Variants in MYCBP2 observed in about 807,000 individuals in gnomAD.
The protein encoded by MYCBP2 is MYC binding protein 2.
MYCBP2 carries 120 observed loss-of-function variants against 525.3 expected under a neutral mutation model. The observed-to-expected ratio is 0.23, with a 90% confidence interval of 0.20 to 0.27. The LOEUF (loss-of-function observed/expected upper bound fraction) is 0.27, where lower values mean the gene tolerates loss of function less well. Among genes scored for constraint, MYCBP2 ranks in the 10% least tolerant of loss-of-function variants. MYCBP2 has a pLI of 1.00. For synonymous variants in MYCBP2, 1,894 were observed against 1,955.8 expected, an observed-to-expected ratio of 0.97 and a Z score of 0.83; for missense variants, 4,149 against 5,657.1, an observed-to-expected ratio of 0.73 and a Z score of 8.55.
Position 77,046,276 on chromosome 13 carries a change from A to G in MYCBP2, c.13922-783T>C, listed in dbSNP as rs528605258. Among the ~76,000 whole-genome samples, 202 of 152,350 alleles carry G rather than the reference A, an allele frequency of 1.3e-3. 2 individuals are homozygous for G. The highest frequency in any genetic ancestry group is 8.9e-3 in the South Asian group (43 of 4,832). On this transcript the variant is annotated intron_variant, in intron 82 of 82. Transcript: ENST00000544440. ...GAAACCAGGAGGCTTACTTTGTCAG[A>G]AAAACACGCTAGGCTTATACTTGAA...
chr13:77,245,535 T>G (rs1047313713), intron 15 of MYCBP2, among the ~76,000 whole-genome samples: 1 of 147,370 alleles, frequency 6.8e-6, no homozygotes, highest in Non-Finnish European at 1.5e-5. Context: ...ATGTTCTCAC[T>G]CATAAGTGGG....
chr13:77,315,080 ACC>A, intron 1 of MYCBP2, among the ~76,000 whole-genome samples: 1 of 152,302 alleles, frequency 6.6e-6, no homozygotes, highest in East Asian at 1.9e-4. Flanking sequence ...AATACAAGTT[ACC>A]AAAATTGACA....
Position 77,326,240 on chromosome 13 carries a change from GACACACACACACACACACACAC to G in MYCBP2, c.302+212_302+233del, listed in dbSNP as rs398023536. On this transcript the variant is annotated intron_variant, in intron 1 of 82. Coordinates refer to ENST00000544440, the MANE Select transcript of MYCBP2 (RefSeq NM_015057.5). The surrounding 1 kb of genome is among the most constrained non-coding windows in gnomAD (Gnocchi z 4.2). ...CACTATCCCCCCACATAGGCAGGCA[GACACACACACACACACACACAC>G]ACACACACACACACACACACACGAG... Among the ~76,000 whole-genome samples the G allele has an allele frequency of 6.3e-5, 8 of 127,878 alleles. No homozygotes were observed. Among genetic ancestry groups the G allele is most frequent in the Admixed American group, 1.6e-4 (2 of 12,730 alleles). 83.9% of individuals were successfully genotyped at this position (127,878 alleles called of 152,430 possible).
intron 43 of MYCBP2, 90 bp from the exon 44 acceptor site, chr13:77,162,045 A>T (rs1475299749): frequency 3.4e-6 from 3 of 883,892 alleles, no homozygotes; most frequent in African/African-American, 1.7e-5. Context: ...CACTTTTTTT[A>T]AAAAAATAAT....
intron 43 of MYCBP2, among the ~76,000 whole-genome samples, chr13:77,164,012 T>C (rs1322329884): frequency 6.6e-6 from 1 of 152,244 alleles, no homozygotes. Flanking sequence ...CTACTTGCTG[T>C]AGAATATCTT....
In MYCBP2 at chr13:77,183,541, C is replaced by CTTTTTTTTTTT. The variant is rs60927409; in HGVS notation, c.4719+1551_4719+1561dup. ...TTGTTTATAGTGATAGTCCCTATTT[C>CTTTTTTTTTTT]TTTTTTTTTTTTTTTTTTTTTTTTT... On this transcript the variant is annotated intron_variant, in intron 32 of 82. Transcript: ENST00000544440. Among the ~76,000 whole-genome samples the CTTTTTTTTTTT allele has an allele frequency of 7.1e-4, 47 of 66,076 alleles. 7 individuals carry two copies. Among genetic ancestry groups the CTTTTTTTTTTT allele is most frequent in the South Asian group, 1.7e-3 (2 of 1,200 alleles). 43.3% of individuals were successfully genotyped at this position (66,076 alleles called of 152,430 possible). A position where few individuals can be genotyped will look rare whatever the true frequency, so the allele number is the denominator to read the frequency against.
At chr13:77,153,008 T>C (rs1314921087) in intron 46 of MYCBP2, among the ~76,000 whole-genome samples, 1 of 137,792 alleles carries the variant, frequency 7.3e-6, no homozygotes, top group African/African-American at 2.8e-5. Context: ...GAGCTTGCAG[T>C]GAGCTGAAAT....
At chr13:77,211,934 AT>A (rs762362575) in intron 22 of MYCBP2, 21 bp downstream of exon 22, 5 of 1,568,398 alleles carry the variant, frequency 3.2e-6, no homozygotes, top group Admixed American at 3.3e-5. Context: ...TGGAAGGGGC[AT>A]TTGTTTATTT....
At chr13:77,196,653 A>C (rs533136090) in intron 26 of MYCBP2, among the ~76,000 whole-genome samples, 1 of 152,328 alleles carries the variant, frequency 6.6e-6, no homozygotes, top group Non-Finnish European at 1.5e-5. Flanking sequence ...GCCTGAGGAA[A>C]CAGAAGAATG....
intron 52 of MYCBP2, among the ~76,000 whole-genome samples, chr13:77,128,617 T>C (rs754352879): frequency 1.3e-5 from 2 of 151,834 alleles, no homozygotes; most frequent in Non-Finnish European, 2.9e-5. Context: ...ATCCAATTCT[T>C]GTGCTAAACA....
chr13:77,064,766 G>T, intron 72 of MYCBP2, 32 bp from the exon 73 acceptor site: 1 of 1,580,818 alleles, frequency 6.3e-7, no homozygotes, highest in South Asian at 1.2e-5. Flanking sequence ...TTTAATAAGT[G>T]ACCAGAAATG....
At chr13:77,051,217 C>T (rs2154055144) in intron 81 of MYCBP2, 55 bp from the exon 82 acceptor site, 2 of 1,502,700 alleles carry the variant, frequency 1.3e-6, no homozygotes, top group African/African-American at 2.8e-5. Context: ...ATTTCAATCA[C>T]ACTTAAGATA....
chr13:77,073,186 A>T (rs1313711374), intron 68 of MYCBP2, among the ~76,000 whole-genome samples: 1 of 152,154 alleles, frequency 6.6e-6, no homozygotes, highest in Non-Finnish European at 1.5e-5. Context: ...AATGAACTGT[A>T]TACAAGCTAG....
intron 59 of MYCBP2, among the ~76,000 whole-genome samples, chr13:77,092,870 C>T (rs2045666668): frequency 6.6e-6 from 1 of 152,148 alleles, no homozygotes; most frequent in African/African-American, 2.4e-5. Context: ...AATGCCACTG[C>T]TCCCATGAAA....
chr13:77,133,242 C>T (rs1330846206), intron 52 of MYCBP2, among the ~76,000 whole-genome samples: 1 of 152,112 alleles, frequency 6.6e-6, no homozygotes, highest in African/African-American at 2.4e-5. Flanking sequence ...TATCTTTACT[C>T]ATTGCAAAAA....
chr13:77,080,482 T>C (rs1377110500), intron 65 of MYCBP2: 1 of 152,244 alleles, frequency 6.6e-6, no homozygotes, highest in Non-Finnish European at 1.5e-5. Context: ...TGGTTGTTAA[T>C]ACTCAAGCAA....
Position 77,185,207 on chromosome 13 carries a change from G to A in MYCBP2, c.4615C>T (p.Leu1539Phe). ...GTGAAAGTATTATGACATTCCTGAA[G>A]GACAGCTTCTAGAAGACTCAAGGGT... ...SQPLSLLEAV[L>F]QECHNTFTAC... The change falls in exon 32 of 83, where the codon CTT (leucine) becomes TTT (phenylalanine). Residue 1539 changes from leucine to phenylalanine, a missense_variant. Leu to Phe is a conservative substitution (Grantham distance 22). This residue lies in a region of MYCBP2 where 292 missense variants were observed against 330.5 expected (regional missense o/e 0.88). Coordinates refer to ENST00000544440, the MANE Select transcript of MYCBP2 (RefSeq NM_015057.5). 6.2e-7 allele frequency: 1 copy of A among 1,614,076 alleles called. No homozygotes were observed. The highest frequency in any genetic ancestry group is 8.5e-7 in the Non-Finnish European group (1 of 1,179,990).
rs967350196 is a variant in MYCBP2, at chr13:77,273,785, T to C, written c.749-117A>G. The stretch of plus-strand genomic sequence containing the variant: ...CGAAATTTAAGGAATCTAGAACAAT[T>C]ACTTTGCTTTAGTTTCTTTCTAGTT... On this transcript the variant is annotated intron_variant, in intron 4 of 82. Transcript: ENST00000544440. 8 of 742,438 alleles carry C rather than the reference T, an allele frequency of 1.1e-5. No individual in the cohort carries two copies. The African/African-American group carries it at 1.5e-4, about 14-fold the overall frequency. 46.0% of individuals were successfully genotyped at this position (742,438 alleles called of 1,614,324 possible).
At chr13:77,076,401 T>G (rs910728554) in intron 68 of MYCBP2, among the ~76,000 whole-genome samples, 6 of 152,098 alleles carry the variant, frequency 3.9e-5, no homozygotes, top group Non-Finnish European at 8.8e-5. Context: ...ATGAAGAGGA[T>G]AAATCGTAAA....
Sources: allele counts gnomAD v4.1 joint callset (sites outside exome capture counted in the v4.1 genomes callset), GRCh38; gene constraint gnomAD v4.1.1; regional missense constraint gnomAD v4.1.1; non-coding constraint Gnocchi (gnomAD v3.1); transcripts MANE v1.5; gene names NCBI Gene and HGNC (gene_info 2026-07-23, HGNC 2026-07-21).